Variants in BCLAF3 observed in about 807,000 individuals in gnomAD.
BCLAF3 encodes BCLAF1 and THRAP3 family member 3.
In BCLAF3, 24 loss-of-function variants were observed where a neutral mutation model predicts 51.2. That is an observed-to-expected ratio of 0.47 (90% CI 0.34 to 0.66). BCLAF3 has a LOEUF of 0.66. Ranked by LOEUF, BCLAF3 falls within the 30% of genes least tolerant of loss-of-function variation. BCLAF3 has a pLI of 0.01. For missense variants in BCLAF3, 465 were observed against 525.1 expected (o/e 0.89, Z 1.12); for synonymous variants, 152 against 176.6 (o/e 0.86, Z 1.10).
At chrX:19,923,017 T>C (rs1040505715) in intron 11 of BCLAF3, 1 of 111,969 alleles carries the variant, frequency 8.9e-6, no homozygotes, top group Non-Finnish European at 1.9e-5. Context: ...ATGGTATTAG[T>C]TATCGAGTTC....
At chrX:19,940,719 C>T (rs1266656593) in intron 8 of BCLAF3, among the ~76,000 whole-genome samples, 44 of 107,930 alleles carry the variant, frequency 4.1e-4, no homozygotes, top group Non-Finnish European at 5.0e-4. Flanking sequence ...TGAATAATGC[C>T]GCAATAAACA....
intron 1 of BCLAF3, among the ~76,000 whole-genome samples, chrX:19,983,539 C>T (rs1437158264): frequency 1.9e-5 from 2 of 106,988 alleles, no homozygotes; most frequent in African/African-American, 3.4e-5. Flanking sequence ...GGCAAAACCC[C>T]GTCTCCACTA....
At chrX:19,964,123 C>T (rs1339218340) in intron 4 of BCLAF3, among the ~76,000 whole-genome samples, 2 of 111,985 alleles carry the variant, frequency 1.8e-5, no homozygotes, top group Non-Finnish European at 3.8e-5. Flanking sequence ...TGTTTTCTCT[C>T]ATTTTTGGTT....
At chrX:19,948,183 CA>C (rs780964002) in intron 8 of BCLAF3, among the ~76,000 whole-genome samples, 17 of 111,663 alleles carry the variant, frequency 1.5e-4, no homozygotes, top group African/African-American at 5.5e-4. Context: ...TCAAACTCAT[CA>C]ATTCCACTCC....
chrX:19,932,579 T>C (rs1478195510), intron 10 of BCLAF3, among the ~76,000 whole-genome samples: 1 of 100,362 alleles, frequency 1.0e-5, no homozygotes, highest in East Asian at 3.1e-4. Flanking sequence ...TCACCCAGGC[T>C]GAAGTACAGT....
chrX:19,930,108 C>T (rs1254923047), intron 10 of BCLAF3, 168 bp from the exon 11 acceptor site: 4 of 361,385 alleles, frequency 1.1e-5, no homozygotes, highest in South Asian at 8.4e-5. Flanking sequence ...GTCAGGAGTT[C>T]GAGACCAGCC....
chrX:19,976,593 G>A (rs961209028), intron 1 of BCLAF3, among the ~76,000 whole-genome samples: 1 of 111,135 alleles, frequency 9.0e-6, no homozygotes, highest in Non-Finnish European at 1.9e-5. Flanking sequence ...GTTTCACCAC[G>A]TTGGCCAGGC....
chrX:19,918,156 T>G (rs2069992519), intron 11 of BCLAF3: 1 of 111,962 alleles, frequency 8.9e-6, no homozygotes, highest in Admixed American at 9.5e-5. Flanking sequence ...TATGGAAATG[T>G]TTAATTCCAA....
At position 19,969,794 on chromosome X, in the gene BCLAF3, A is replaced by AG. The variant is rs201045025; in HGVS notation, c.41+429dup. On this transcript the variant is annotated intron_variant, in intron 2 of 11. Transcript: ENST00000379682. ...ATGATACATAATTTTGATACTACCAAGAAGGAAGGAGAAATGGACTATAAT... is the reference window on the plus strand; with the variant it reads ...ATGATACATAATTTTGATACTACCAAGGAAGGAAGGAGAAATGGACTATAAT... Among the ~76,000 whole-genome samples the AG allele has an allele frequency of 4.9e-3, 548 of 112,248 alleles. 7 individuals carry two copies. Among genetic ancestry groups the AG allele is most frequent in the African/African-American group, 0.016 (508 of 30,975 alleles).
At chrX:19,962,067 TAA>T (rs1461889298) in intron 4 of BCLAF3, among the ~76,000 whole-genome samples, 1 of 112,876 alleles carries the variant, frequency 8.9e-6, no homozygotes, top group African/African-American at 3.2e-5. Context: ...TCTATTAAAA[TAA>T]AACTCTTCAA....
rs1018569327 is a variant in BCLAF3 at position 19,983,351 on chromosome X, G to A, written c.-35+7557C>T. On this transcript the variant is annotated intron_variant, in intron 1 of 11. Coordinates refer to ENST00000379682, the MANE Select transcript of BCLAF3 (RefSeq NM_001367774.2). ...AGCACTTTGGGAGGCCGAGGCAGGC[G>A]GGCAGATCACCAGAAGTCAGGAGTT... 5.6e-5 allele frequency among the ~76,000 whole-genome samples: 6 copies of A among 106,868 alleles called. No homozygotes were observed. The South Asian group carries it at 1.7e-3, about 30-fold the overall frequency. The allele number at this position is 106,868 out of a possible 115,157, so 92.8% of individuals were successfully genotyped here. A position where few individuals can be genotyped will look rare whatever the true frequency, so the allele number is the denominator to read the frequency against.
intron 10 of BCLAF3, among the ~76,000 whole-genome samples, chrX:19,931,175 T>C (rs917324609): frequency 1.8e-5 from 2 of 112,225 alleles, no homozygotes; most frequent in Non-Finnish European, 3.8e-5. Flanking sequence ...TCCCATGTGG[T>C]TGATAAGAGA....
chrX:19,913,826 C>T lies in BCLAF3; in HGVS notation c.*3479G>A. 8.9e-6 allele frequency: 1 copy of T among 112,175 alleles called. No individual in the cohort carries two copies. The highest frequency in any genetic ancestry group is 3.2e-5 in the African/African-American group (1 of 30,896). The allele number at this position is 112,175 out of a possible 1,213,427, so 9.2% of individuals were successfully genotyped here. On this transcript the variant is annotated 3_prime_UTR_variant, in exon 12 of 12. Coordinates refer to ENST00000379682, the MANE Select transcript of BCLAF3 (RefSeq NM_001367774.2). ...AGACGGTTAGTTCTTAAGTCTTTAT[C>T]CCACTTTACCTCCTCCATGTCTGAA...
intron 4 of BCLAF3, among the ~76,000 whole-genome samples, chrX:19,958,924 G>A (rs1372845291): frequency 8.9e-6 from 1 of 112,311 alleles, no homozygotes; most frequent in Non-Finnish European, 1.9e-5. Flanking sequence ...TTGCACAAAA[G>A]TCCTCTAGTG....
intron 1 of BCLAF3, 140 bp from the exon 2 acceptor site, chrX:19,970,438 C>A: frequency 2.1e-6 from 1 of 468,543 alleles, no homozygotes; most frequent in East Asian, 3.7e-5. Flanking sequence ...ATAATAGCAC[C>A]CCTTCTTATT....
chrX:19,968,852 G>A (rs988609917), intron 2 of BCLAF3, among the ~76,000 whole-genome samples: 12 of 112,263 alleles, frequency 1.1e-4, no homozygotes, highest in African/African-American at 3.6e-4. Context: ...AGTGGCTCAC[G>A]CCTGTAATCC....
At chrX:19,972,079 G>C (rs1339507689) in intron 1 of BCLAF3, among the ~76,000 whole-genome samples, 1 of 112,125 alleles carries the variant, frequency 8.9e-6, no homozygotes, top group African/African-American at 3.2e-5. Context: ...GTTATACACA[G>C]CCTCTTTCTA....
At chrX:19,930,188 G>A (rs2070494512) in intron 10 of BCLAF3, 1 of 224,931 alleles carries the variant, frequency 4.4e-6, no homozygotes, top group Non-Finnish European at 7.9e-6. Context: ...GCAGGCGCCT[G>A]TAATCCCAGC....
intron 11 of BCLAF3, among the ~76,000 whole-genome samples, chrX:19,920,847 A>G (rs2070127942): frequency 9.1e-6 from 1 of 109,454 alleles, no homozygotes; most frequent in African/African-American, 3.3e-5. Context: ...ATGCTTAGCG[A>G]GGCACCCTCA....
Sources: allele counts gnomAD v4.1 joint callset (sites outside exome capture counted in the v4.1 genomes callset), GRCh38; gene constraint gnomAD v4.1.1; transcripts MANE v1.5; gene names NCBI Gene and HGNC (gene_info 2026-07-23, HGNC 2026-07-21).